The following KCNIP3 variants were observed in gnomAD, a reference collection of about 807,000 sequenced individuals.
KCNIP3 encodes calsenilin.
In KCNIP3, 28 loss-of-function variants were observed where a neutral mutation model predicts 35.0. That is an observed-to-expected ratio of 0.80 (90% CI 0.59 to 1.10). The LOEUF is 1.10. Ranked by LOEUF, KCNIP3 falls within the 50% of genes least tolerant of loss-of-function variation. The pLI is 0.00. For missense variants in KCNIP3, 295 were observed against 338.4 expected (o/e 0.87, Z 1.01); for synonymous variants, 134 against 133.8 (o/e 1.00, Z -0.01).
rs190139071 is a variant in KCNIP3 at position 95,317,567 on chromosome 2, G to A, written c.181+7047G>A. 3.5e-3 allele frequency among the ~76,000 whole-genome samples: 540 copies of A among 152,350 alleles called. 9 individuals are homozygous for A. Among genetic ancestry groups the A allele is most frequent in the Non-Finnish European group, 8.7e-4 (59 of 68,010 alleles). On this transcript the variant is annotated intron_variant, in intron 2 of 8. Transcript: ENST00000295225. Reference sequence around the variant, plus strand: ...GTCCCCGGAAAGGCTGGGAGAGCCAGAAGCAGGGACAGAAAGCAGAGGAGA... The same window carrying A: ...GTCCCCGGAAAGGCTGGGAGAGCCAAAAGCAGGGACAGAAAGCAGAGGAGA...
At chr2:95,333,830 G>A (rs1573496945) in intron 2 of KCNIP3, among the ~76,000 whole-genome samples, 1 of 152,164 alleles carries the variant, frequency 6.6e-6, no homozygotes, top group East Asian at 1.9e-4. Flanking sequence ...TGGATAGGGG[G>A]CGTCTCACTC....
At chr2:95,342,329 T>C (rs1209346827) in intron 2 of KCNIP3, among the ~76,000 whole-genome samples, 2 of 152,216 alleles carry the variant, frequency 1.3e-5, no homozygotes, top group Non-Finnish European at 2.9e-5. Context: ...TCCTTTCCAG[T>C]TCCTACCTTA....
intron 2 of KCNIP3, among the ~76,000 whole-genome samples, chr2:95,364,576 C>T (rs1328855022): frequency 6.6e-6 from 1 of 152,160 alleles, no homozygotes; most frequent in African/African-American, 2.4e-5. Context: ...CTGAATGGCC[C>T]AGCACCATGC....
Position 95,310,339 on chromosome 2 carries a change from C to T in KCNIP3, c.16-16C>T. ...TGAGCAGGGGCTCAGGGCTGCTCTGCCTGTTCCTACTGCAGGAAGTGACAA... is the reference window on the plus strand; with the variant it reads ...TGAGCAGGGGCTCAGGGCTGCTCTGTCTGTTCCTACTGCAGGAAGTGACAA... On this transcript the variant is annotated splice_polypyrimidine_tract_variant and intron_variant, in intron 1 of 8. Transcript: ENST00000295225. 1.9e-6 allele frequency: 3 copies of T among 1,612,122 alleles called. No individual in the cohort carries two copies. The highest frequency in any genetic ancestry group is 2.2e-5 in the South Asian group (2 of 91,016).
intron 2 of KCNIP3, among the ~76,000 whole-genome samples, chr2:95,327,265 A>G (rs1470153502): frequency 6.6e-6 from 1 of 152,142 alleles, no homozygotes; most frequent in Non-Finnish European, 1.5e-5. Context: ...ACTTGCCCCT[A>G]GTTCCCATCC....
intron 2 of KCNIP3, among the ~76,000 whole-genome samples, chr2:95,373,577 C>A (rs985324202): frequency 6.6e-6 from 1 of 152,118 alleles, no homozygotes; most frequent in African/African-American, 2.4e-5. Context: ...CGCCCGCCAC[C>A]ATGCCTGGCT....
chr2:95,354,091 T>C (rs545013993), intron 2 of KCNIP3, among the ~76,000 whole-genome samples: 3 of 152,022 alleles, frequency 2.0e-5, no homozygotes, highest in Non-Finnish European at 4.4e-5. Flanking sequence ...TCTGTCTGAG[T>C]GGTTTCCTCA....
At chr2:95,305,776 A>G (rs1678150979) in intron 1 of KCNIP3, among the ~76,000 whole-genome samples, 1 of 152,156 alleles carries the variant, frequency 6.6e-6, no homozygotes, top group African/African-American at 2.4e-5. Context: ...TGGCTTTTTC[A>G]TTCAGCGTAA....
chr2:95,332,209 G>A (rs1348496372), intron 2 of KCNIP3, among the ~76,000 whole-genome samples: 2 of 152,260 alleles, frequency 1.3e-5, no homozygotes, highest in Non-Finnish European at 2.9e-5. Flanking sequence ...ACAGAGCCAG[G>A]CGAGAACATG....
chr2:95,329,219 C>T (rs1052031891), intron 2 of KCNIP3, among the ~76,000 whole-genome samples: 42 of 318 alleles, frequency 0.13, 1 homozygote, highest in South Asian at 0.49. Context: ...TGGCTCCCAG[C>T]GCGGGCCAAG....
chr2:95,307,740 T>C (rs1384467924), intron 1 of KCNIP3, among the ~76,000 whole-genome samples: 1 of 152,130 alleles, frequency 6.6e-6, no homozygotes, highest in African/African-American at 2.4e-5. Flanking sequence ...GCCAGTGCTG[T>C]TCTGAGATGG....
At chr2:95,356,912 A>T (rs1679668461) in intron 2 of KCNIP3, among the ~76,000 whole-genome samples, 1 of 152,204 alleles carries the variant, frequency 6.6e-6, no homozygotes, top group African/African-American at 2.4e-5. Flanking sequence ...GGGAAGATGC[A>T]TGTGGCCCAC....
intron 2 of KCNIP3, chr2:95,312,214 C>G (rs567855358): frequency 6.6e-6 from 1 of 152,402 alleles, no homozygotes; most frequent in Non-Finnish European, 1.5e-5. Flanking sequence ...CTCATCCTCC[C>G]GTCTCTCTCT....
chr2:95,335,557 A>G (rs1240013349), intron 2 of KCNIP3, among the ~76,000 whole-genome samples: 5 of 152,164 alleles, frequency 3.3e-5, no homozygotes, highest in Non-Finnish European at 7.3e-5. Flanking sequence ...GACCATGCAC[A>G]TGTCAGAATC....
At chr2:95,325,913 A>G (rs945449111) in intron 2 of KCNIP3, among the ~76,000 whole-genome samples, 32 of 151,700 alleles carry the variant, frequency 2.1e-4, no homozygotes, top group Non-Finnish European at 1.0e-4. Context: ...ATTCACTCAT[A>G]CACATACACA....
intron 1 of KCNIP3, among the ~76,000 whole-genome samples, chr2:95,299,750 G>A (rs1470953628): frequency 6.6e-6 from 1 of 152,252 alleles, no homozygotes; most frequent in Non-Finnish European, 1.5e-5. Context: ...GGCACTGTGC[G>A]AGATGGGCCC....
At chr2:95,359,872 G>A (rs1462880660) in intron 2 of KCNIP3, among the ~76,000 whole-genome samples, 2 of 152,258 alleles carry the variant, frequency 1.3e-5, no homozygotes, top group African/African-American at 2.4e-5. Context: ...TGGAATGTGA[G>A]GAGCAGAGTC....
At chr2:95,361,274 A>C (rs1679792779) in intron 2 of KCNIP3, among the ~76,000 whole-genome samples, 1 of 152,182 alleles carries the variant, frequency 6.6e-6, no homozygotes, top group African/African-American at 2.4e-5. Context: ...CCAGGTCAGA[A>C]ATGTGGAGTC....
In KCNIP3 at chr2:95,324,980, G is replaced by T. The variant is rs565553114; in HGVS notation, c.181+14460G>T. On this transcript the variant is annotated intron_variant, in intron 2 of 8. Transcript: ENST00000295225. ...TTGGGAGGAAATGCAAAAAGCCCAG[G>T]ACCACGGTGACAAACCCCTGGCTGG... is the stretch of plus-strand genomic sequence containing the variant. 3.3e-5 allele frequency among the ~76,000 whole-genome samples: 5 copies of T among 152,310 alleles called. No individual in the cohort carries two copies. The East Asian group carries it at 9.6e-4, about 29-fold the overall frequency.
Sources: allele counts gnomAD v4.1 joint callset (sites outside exome capture counted in the v4.1 genomes callset), GRCh38; gene constraint gnomAD v4.1.1; transcripts MANE v1.5; gene names NCBI Gene and HGNC (gene_info 2026-07-23, HGNC 2026-07-21).